Variants in NT5M observed in about 807,000 individuals in gnomAD.
NT5M encodes 5',3'-nucleotidase, mitochondrial, also known as 5'(3')-deoxyribonucleotidase, mitochondrial.
NT5M carries 22 observed loss-of-function variants against 22.2 expected under a neutral mutation model. That is an observed-to-expected ratio of 0.99 (90% CI 0.71 to 1.41). The LOEUF (loss-of-function observed/expected upper bound fraction) is 1.41. Among genes scored for constraint, NT5M ranks in the 40% most tolerant of loss-of-function variants. The pLI, the probability that NT5M is intolerant of heterozygous loss-of-function variation, is 0.00. For synonymous variants in NT5M, 167 were observed against 133.0 expected (o/e 1.26, Z -1.76); for missense variants, 322 against 314.8 (o/e 1.02, Z -0.17).
intron 3 of NT5M, among the ~76,000 whole-genome samples, chr17:17,338,796 G>A (rs1026985180): frequency 2.9e-5 from 4 of 139,596 alleles, no homozygotes; most frequent in African/African-American, 1.1e-4. Flanking sequence ...GCGCGATCTC[G>A]GCTCACTGCA....
chr17:17,315,434 A>C (rs1341338620), intron 2 of NT5M, among the ~76,000 whole-genome samples: 1 of 152,220 alleles, frequency 6.6e-6, no homozygotes, highest in African/African-American at 2.4e-5. Context: ...TGAAGGAACT[A>C]AACAAGGGGC....
At chr17:17,345,336 C>A in intron 4 of NT5M, 2 of 926,266 alleles carry the variant, frequency 2.2e-6, no homozygotes, top group Non-Finnish European at 2.6e-6. Flanking sequence ...GAAGACCCCC[C>A]TCCCCAAAAC....
chr17:17,303,841 C>T, intron 1 of NT5M, 24 bp downstream of exon 1: 1 of 1,367,854 alleles, frequency 7.3e-7, no homozygotes. Flanking sequence ...CCCCGCCCCG[C>T]GCCGGGCCTC....
chr17:17,317,389 G>C (rs568808024), intron 2 of NT5M, among the ~76,000 whole-genome samples: 2 of 152,244 alleles, frequency 1.3e-5, no homozygotes, highest in South Asian at 4.2e-4. Flanking sequence ...CAATGAATTT[G>C]GATAGACATT....
At chr17:17,303,856 T>C in intron 1 of NT5M, 39 bp downstream of exon 1, 1 of 1,343,228 alleles carries the variant, frequency 7.4e-7, no homozygotes, top group Non-Finnish European at 9.6e-7. Context: ...GGCCTCCTTC[T>C]CGCCCCGAGC....
At chr17:17,341,540 G>A (rs1597801612) in intron 3 of NT5M, among the ~76,000 whole-genome samples, 1 of 152,188 alleles carries the variant, frequency 6.6e-6, no homozygotes, top group Non-Finnish European at 1.5e-5. Flanking sequence ...AATCCCCGAA[G>A]GCACTCACGA....
At chr17:17,320,805 G>A (rs932415550) in intron 2 of NT5M, among the ~76,000 whole-genome samples, 2 of 152,236 alleles carry the variant, frequency 1.3e-5, no homozygotes, top group African/African-American at 4.8e-5. Flanking sequence ...CAGGAGGCCA[G>A]GAGCGCAGGC....
At chr17:17,325,772 C>T (rs2049253591) in intron 3 of NT5M, among the ~76,000 whole-genome samples, 1 of 152,196 alleles carries the variant, frequency 6.6e-6, no homozygotes, top group African/African-American at 2.4e-5. Context: ...CAGCTTTTGG[C>T]TTGGAATGTT....
intron 4 of NT5M, 29 bp from the exon 5 acceptor site, chr17:17,346,776 T>A: frequency 1.9e-6 from 3 of 1,604,564 alleles, no homozygotes; most frequent in Non-Finnish European, 2.5e-6. Flanking sequence ...TCTCCACTGC[T>A]GAGCTGAATG....
intron 2 of NT5M, among the ~76,000 whole-genome samples, chr17:17,309,448 G>A (rs76451770): frequency 0.017 from 2,580 of 152,194 alleles, 59 homozygotes; most frequent in African/African-American, 0.058. Flanking sequence ...GGAATTGTTA[G>A]GCCATAGGAT....
chr17:17,320,682 A>C (rs1004104082), intron 2 of NT5M, among the ~76,000 whole-genome samples: 1 of 152,172 alleles, frequency 6.6e-6, no homozygotes, highest in Non-Finnish European at 1.5e-5. Flanking sequence ...ATCAGCATGC[A>C]CATGGTGTTT....
At chr17:17,339,551 G>A (rs533306420) in intron 3 of NT5M, among the ~76,000 whole-genome samples, 5 of 152,058 alleles carry the variant, frequency 3.3e-5, no homozygotes, top group Admixed American at 6.6e-5. Flanking sequence ...TCATGTTCCC[G>A]GTCTTAGAGG....
intron 1 of NT5M, chr17:17,304,540 A>G (rs2048751128): frequency 1.6e-6 from 1 of 641,234 alleles, no homozygotes; most frequent in Non-Finnish European, 1.9e-6. Flanking sequence ...AAAATTAAAG[A>G]GGCTGAGTGT....
At chr17:17,303,882 T>A (rs886551475) in intron 1 of NT5M, 65 bp downstream of exon 1, 2 of 1,314,306 alleles carry the variant, frequency 1.5e-6, no homozygotes, top group African/African-American at 3.1e-5. Context: ...ACACCGCCCC[T>A]GCGCCGGTGA....
At chr17:17,331,786 T>C (rs1457724133) in intron 3 of NT5M, among the ~76,000 whole-genome samples, 2 of 151,184 alleles carry the variant, frequency 1.3e-5, no homozygotes, top group African/African-American at 2.5e-5. Context: ...CTTTTTCTTT[T>C]CTTTTTTTTT....
At chr17:17,326,934 CAG>C (rs2049279614) in intron 3 of NT5M, among the ~76,000 whole-genome samples, 1 of 152,120 alleles carries the variant, frequency 6.6e-6, no homozygotes, top group African/African-American at 2.4e-5. Context: ...GTAGGGGAGA[CAG>C]GGTCTCACTA....
intron 3 of NT5M, among the ~76,000 whole-genome samples, chr17:17,328,593 T>A (rs2049310776): frequency 6.6e-6 from 1 of 152,176 alleles, no homozygotes; most frequent in South Asian, 2.1e-4. Flanking sequence ...GACAGAGGTC[T>A]CCCACGGTAG....
At chr17:17,310,147 A>G (rs1461062573) in intron 2 of NT5M, among the ~76,000 whole-genome samples, 1 of 152,160 alleles carries the variant, frequency 6.6e-6, no homozygotes, top group Non-Finnish European at 1.5e-5. Context: ...TCTAAGGACA[A>G]AATTAAGAAA....
intron 2 of NT5M, among the ~76,000 whole-genome samples, chr17:17,318,851 G>A (rs1406398252): frequency 2.8e-5 from 4 of 145,416 alleles, no homozygotes; most frequent in African/African-American, 1.0e-4. Flanking sequence ...AATGAACCTT[G>A]AAAACATGAT....
Sources: gnomAD v4.1 joint callset for allele counts (sites outside exome capture counted in the v4.1 genomes callset) on GRCh38, gnomAD v4.1.1 for gene constraint, MANE v1.5 for transcripts, NCBI Gene and HGNC (gene_info 2026-07-23, HGNC 2026-07-21) for gene names.